CSMD1: variants seen among roughly 807,000 people sequenced by gnomAD.
The protein encoded by CSMD1 is CUB and sushi domain-containing protein 1.
A neutral mutation model predicts 417.5 loss-of-function variants in CSMD1; 213 were observed. The observed-to-expected ratio is 0.51, with a 90% CI of 0.46 to 0.57. The LOEUF is 0.57. Ranked by LOEUF, CSMD1 falls within the 20% of genes least tolerant of loss-of-function variation. The probability of loss-of-function intolerance (pLI) is 0.00; values close to 1 mark genes in which losing one functional copy is unlikely to be tolerated. For missense variants in CSMD1, 6,923 were observed against 4,529.7 expected, an observed-to-expected ratio of 1.53 and a Z score of -15.17; for synonymous variants, 2,862 against 1,736.8, an observed-to-expected ratio of 1.65 and a Z score of -16.11.
At chr8:4,808,117 G>A (rs751943443) in intron 1 of CSMD1, among the ~76,000 whole-genome samples, 4 of 152,120 alleles carry the variant, frequency 2.6e-5, no homozygotes, top group Non-Finnish European at 4.4e-5. Flanking sequence ...TGTTTCCTGG[G>A]TGCTACACAA....
intron 3 of CSMD1, among the ~76,000 whole-genome samples, chr8:4,087,887 T>G (rs952634379): frequency 2.0e-5 from 3 of 152,204 alleles, no homozygotes; most frequent in African/African-American, 4.8e-5. Flanking sequence ...TGCTTAACTC[T>G]GCTCATCTTT....
chr8:4,005,673 T>C (rs949865987), intron 4 of CSMD1, among the ~76,000 whole-genome samples: 2 of 152,240 alleles, frequency 1.3e-5, no homozygotes, highest in Admixed American at 1.3e-4. Flanking sequence ...GGTGCTTTCT[T>C]CCCACTTCAA....
intron 5 of CSMD1, among the ~76,000 whole-genome samples, chr8:3,879,258 A>G (rs1330069092): frequency 6.6e-6 from 1 of 152,202 alleles, no homozygotes. Flanking sequence ...ATTGTATATT[A>G]CATACTGTTC....
At chr8:3,177,041 G>C (rs1217229021) in intron 37 of CSMD1, among the ~76,000 whole-genome samples, 18 of 152,062 alleles carry the variant, frequency 1.2e-4, no homozygotes, top group Admixed American at 1.1e-3. Context: ...GCCTCCCAAA[G>C]TGCTTGGATT....
chr8:3,175,521 C>CTTTT (rs1820877495), intron 37 of CSMD1, among the ~76,000 whole-genome samples: 1 of 139,512 alleles, frequency 7.2e-6, no homozygotes, highest in Non-Finnish European at 1.5e-5. Context: ...TTTTTCCTTC[C>CTTTT]TTCCTTCCTT....
intron 3 of CSMD1, among the ~76,000 whole-genome samples, chr8:4,326,204 C>G (rs1036448055): frequency 2.0e-5 from 3 of 152,084 alleles, no homozygotes; most frequent in Non-Finnish European, 4.4e-5. Context: ...CCAATGCTGC[C>G]GATTTGGGAA....
At chr8:4,658,016 G>T (rs1256557013) in intron 1 of CSMD1, among the ~76,000 whole-genome samples, 2 of 151,754 alleles carry the variant, frequency 1.3e-5, no homozygotes, top group Non-Finnish European at 2.9e-5. Context: ...CTAAAATTAA[G>T]AAAGTTGAAA....
chr8:3,775,484 C>A (rs931792286), intron 5 of CSMD1, among the ~76,000 whole-genome samples: 1 of 152,098 alleles, frequency 6.6e-6, no homozygotes, highest in Non-Finnish European at 1.5e-5. Context: ...GAAAAGGACA[C>A]GGGGTGAAGT....
chr8:4,024,675 G>A (rs1189287436), intron 4 of CSMD1, among the ~76,000 whole-genome samples: 1 of 152,140 alleles, frequency 6.6e-6, no homozygotes, highest in Non-Finnish European at 1.5e-5. Context: ...AGGAGACACT[G>A]CATAAATGTG....
chr8:4,156,112 G>A (rs573422863), intron 3 of CSMD1, among the ~76,000 whole-genome samples: 65 of 152,232 alleles, frequency 4.3e-4, no homozygotes, highest in African/African-American at 1.5e-3. Flanking sequence ...ATAATCATCC[G>A]ATCCTGACAT....
At chr8:3,802,137 C>T (rs949951418) in intron 5 of CSMD1, among the ~76,000 whole-genome samples, 1 of 152,070 alleles carries the variant, frequency 6.6e-6, no homozygotes, top group African/African-American at 2.4e-5. Context: ...AAAATATCCT[C>T]AGATACTGCA....
chr8:4,983,928 A>C (rs1285994581), intron 1 of CSMD1, among the ~76,000 whole-genome samples: 1 of 152,154 alleles, frequency 6.6e-6, no homozygotes, highest in African/African-American at 2.4e-5. Flanking sequence ...GTGGAATAGA[A>C]AACTCCTCAA....
chr8:4,674,863 G>C (rs1319817181), intron 1 of CSMD1, among the ~76,000 whole-genome samples: 2 of 152,142 alleles, frequency 1.3e-5, no homozygotes, highest in Non-Finnish European at 1.5e-5. Context: ...GAGGTGATTA[G>C]CTTTACATGA....
chr8:4,091,133 G>C (rs1417665693), intron 3 of CSMD1, among the ~76,000 whole-genome samples: 1 of 151,970 alleles, frequency 6.6e-6, no homozygotes, highest in South Asian at 2.1e-4. Flanking sequence ...TGGCCAGGCT[G>C]GTCTCGAATT....
In CSMD1 at chr8:4,173,627, T is replaced by C. The variant is rs1251340451; in HGVS notation, c.416-141528A>G. On this transcript the variant is annotated intron_variant, in intron 3 of 69. Transcript: ENST00000635120. ...TATTAGATACATAGCTTTGTGGAAG[T>C]TCGGAAACACTGAATGCCACTTTTC... 6.6e-5 allele frequency among the ~76,000 whole-genome samples: 10 copies of C among 152,110 alleles called. No homozygotes were observed. The East Asian group carries it at 1.9e-3, about 29-fold the overall frequency.
At chr8:4,587,503 A>G (rs533869086) in intron 2 of CSMD1, among the ~76,000 whole-genome samples, 144 of 152,198 alleles carry the variant, frequency 9.5e-4, no homozygotes, top group African/African-American at 3.3e-3. Flanking sequence ...GTATATATAT[A>G]TGCACACATG....
At chr8:4,196,539 A>C (rs891442828) in intron 3 of CSMD1, among the ~76,000 whole-genome samples, 11 of 152,232 alleles carry the variant, frequency 7.2e-5, no homozygotes, top group African/African-American at 2.6e-4. Context: ...TGCTGGCTGT[A>C]AACTGTGAGT....
intron 10 of CSMD1, among the ~76,000 whole-genome samples, chr8:3,548,920 ACACT>A (rs1010174796): frequency 6.6e-6 from 1 of 151,998 alleles, no homozygotes; most frequent in Non-Finnish European, 1.5e-5. Flanking sequence ...GTGGTCACAC[ACACT>A]AAGTTCTCGC....
At chr8:4,631,413 T>TTA (rs1326644301) in intron 2 of CSMD1, among the ~76,000 whole-genome samples, 5 of 151,306 alleles carry the variant, frequency 3.3e-5, no homozygotes, top group African/African-American at 1.2e-4. Flanking sequence ...TTTTTTTTTT[T>TTA]AATCAGTCCA....
Sources: gnomAD v4.1 joint callset for allele counts (sites outside exome capture counted in the v4.1 genomes callset) on GRCh38, gnomAD v4.1.1 for gene constraint, MANE v1.5 for transcripts, NCBI Gene and HGNC (gene_info 2026-07-23, HGNC 2026-07-21) for gene names.